RBM19: variants seen among roughly 807,000 people sequenced by gnomAD.
RBM19 encodes the protein RNA binding motif protein 19.
RBM19 carries 94 observed loss-of-function variants against 116.8 expected under a neutral mutation model. That is an observed-to-expected ratio of 0.80 (90% confidence interval 0.68 to 0.95). The LOEUF is 0.95. RBM19 is among the 40% of genes least tolerant of loss of function. The probability of loss-of-function intolerance (pLI) is 0.00; values close to 1 mark genes in which losing one functional copy is unlikely to be tolerated. For missense variants in RBM19, 1,161 were observed against 1,220.7 expected (o/e 0.95, Z 0.73); for synonymous variants, 475 against 494.1 (o/e 0.96, Z 0.51).
chr12:113,874,280 T>G (rs1460170645), intron 21 of RBM19, among the ~76,000 whole-genome samples: 1 of 152,214 alleles, frequency 6.6e-6, no homozygotes, highest in Non-Finnish European at 1.5e-5. Flanking sequence ...TGCTGATGAA[T>G]GGAGTTATTA....
chr12:113,954,315 T>C (rs987098279), intron 7 of RBM19, among the ~76,000 whole-genome samples: 1 of 151,874 alleles, frequency 6.6e-6, no homozygotes, highest in East Asian at 1.9e-4. Flanking sequence ...AAAATAATAA[T>C]AATAAAAACT....
intron 23 of RBM19, among the ~76,000 whole-genome samples, chr12:113,837,246 T>TACACACACAC (rs34948952): frequency 0.1 from 12,612 of 126,694 alleles, 1,064 homozygotes; most frequent in East Asian, 0.37. Context: ...ATCCTCCTAA[T>TACACACACAC]ACACACACAC....
In RBM19 at chr12:113,937,062, CT is replaced by C; in HGVS notation, c.2012del (p.Lys671SerfsTer76). On this transcript the variant is annotated frameshift_variant, in exon 16 of 24. Coordinates refer to ENST00000261741, the MANE Select transcript of RBM19 (RefSeq NM_016196.4). LOFTEE classifies it high-confidence loss of function. ...TGGGTTCTGAAGGTGTGTCTTGGAGCTTTTTCTTCTGTGGGGCTGTGCTGGA... is the reference window on the plus strand; with the variant it reads ...TGGGTTCTGAAGGTGTGTCTTGGAGCTTTTCTTCTGTGGGGCTGTGCTGGA... ...VFSSTAPQKK[K>X]LQDTPSEPME... The C allele has an allele frequency of 6.2e-7, 1 of 1,614,142 alleles. No individual in the cohort carries two copies. The highest frequency in any genetic ancestry group is 8.5e-7 in the Non-Finnish European group (1 of 1,180,024).
At chr12:113,965,787 A>G (rs182143721) in intron 1 of RBM19, among the ~76,000 whole-genome samples, 1 of 152,328 alleles carries the variant, frequency 6.6e-6, no homozygotes, top group East Asian at 1.9e-4. Flanking sequence ...AGGTCCGCAG[A>G]TTAATATTCC....
At chr12:113,913,410 A>G (rs3782454) in intron 21 of RBM19, among the ~76,000 whole-genome samples, 6,473 of 152,282 alleles carry the variant, frequency 0.043, 350 homozygotes, top group Admixed American at 0.16. Context: ...TCGCCAGGCT[A>G]TTCCTGCTGT....
At chr12:113,876,386 T>C (rs968967592) in intron 21 of RBM19, among the ~76,000 whole-genome samples, 1 of 152,196 alleles carries the variant, frequency 6.6e-6, no homozygotes, top group Non-Finnish European at 1.5e-5. Context: ...CTTGCCCATC[T>C]GTGAAATGGG....
At chr12:113,818,875 C>T (rs1428586857), downstream of RBM19, among the ~76,000 whole-genome samples, 2 of 152,222 alleles carry the variant, frequency 1.3e-5, no homozygotes, top group Admixed American at 6.5e-5. Flanking sequence ...TGTCTGACCA[C>T]CCATCTCCCT....
intron 16 of RBM19, among the ~76,000 whole-genome samples, chr12:113,934,180 T>C (rs1326348987): frequency 6.6e-6 from 1 of 152,208 alleles, no homozygotes; most frequent in Non-Finnish European, 1.5e-5. Flanking sequence ...CTTGAACTTC[T>C]GGACTCGAGT....
At chr12:113,912,437 C>G (rs1445923509) in intron 21 of RBM19, among the ~76,000 whole-genome samples, 1 of 152,208 alleles carries the variant, frequency 6.6e-6, no homozygotes, top group African/African-American at 2.4e-5. Context: ...CTTCTAGACC[C>G]AAGAAAACAG....
At chr12:113,925,281 A>G (rs1868966361) in intron 17 of RBM19, among the ~76,000 whole-genome samples, 1 of 152,160 alleles carries the variant, frequency 6.6e-6, no homozygotes, top group Non-Finnish European at 1.5e-5. Flanking sequence ...TACCCAATAA[A>G]CATTCACTAA....
chr12:113,836,331 G>C (rs1160047782), intron 23 of RBM19, among the ~76,000 whole-genome samples: 2 of 152,116 alleles, frequency 1.3e-5, no homozygotes, highest in Non-Finnish European at 2.9e-5. Flanking sequence ...ATCTCTGTCT[G>C]GTGTCAAGGT....
intron 23 of RBM19, among the ~76,000 whole-genome samples, chr12:113,836,393 G>A (rs1027653569): frequency 9.2e-5 from 14 of 152,228 alleles, no homozygotes; most frequent in South Asian, 2.1e-4. Context: ...CCTGTCCTTC[G>A]CTGTTCAATT....
chr12:113,849,877 C>A (rs1464413630), intron 22 of RBM19, among the ~76,000 whole-genome samples: 2 of 152,224 alleles, frequency 1.3e-5, no homozygotes, highest in African/African-American at 4.8e-5. Context: ...GTGACCAGGG[C>A]TCCCTTGGCC....
chr12:113,875,587 T>C lies in RBM19; in HGVS notation c.2559-16691A>G, dbSNP rs114848767. On this transcript the variant is annotated intron_variant, in intron 21 of 23. Coordinates refer to ENST00000261741, the MANE Select transcript of RBM19 (RefSeq NM_016196.4). ...TCGGGACAGCCCTTGGACATCTTGG[T>C]GTATGTAGGTGGGAGTCTCTTTTCT... Among the ~76,000 whole-genome samples, 19 of 152,056 alleles carry C rather than the reference T, an allele frequency of 1.2e-4. No homozygotes were observed. In the East Asian group the frequency reaches 3.3e-3, roughly 26 times the overall value.
chr12:113,930,500 C>A (rs571505523), intron 16 of RBM19, among the ~76,000 whole-genome samples: 1 of 152,202 alleles, frequency 6.6e-6, no homozygotes, highest in Non-Finnish European at 1.5e-5. Flanking sequence ...CTGCCCTTAG[C>A]CCCAGCCCAG....
At position 113,874,373 on chromosome 12, in the gene RBM19, G is replaced by T. The variant is rs541614833; in HGVS notation, c.2559-15477C>A. Among the ~76,000 whole-genome samples the T allele has an allele frequency of 2.6e-5, 4 of 152,352 alleles. No homozygotes were observed. The East Asian group carries it at 7.7e-4, about 29-fold the overall frequency. On this transcript the variant is annotated intron_variant, in intron 21 of 23. Coordinates refer to ENST00000261741, the MANE Select transcript of RBM19 (RefSeq NM_016196.4). ...CTCAATACCTGAAATAAGAAACGGG[G>T]AGTGGGAGGAAGCGGCACTTGCTGA...
At chr12:113,946,331 G>C (rs1404977427) in intron 12 of RBM19, 23 bp downstream of exon 12, 1 of 1,614,098 alleles carries the variant, frequency 6.2e-7, no homozygotes, top group South Asian at 1.1e-5. Context: ...TTGGAGCTCA[G>C]TGGTTTCAGG....
intron 8 of RBM19, among the ~76,000 whole-genome samples, chr12:113,950,917 G>T (rs1280775208): frequency 6.6e-6 from 1 of 151,898 alleles, no homozygotes; most frequent in Non-Finnish European, 1.5e-5. Flanking sequence ...CCACACCCTA[G>T]GCCCCATCAC....
intron 21 of RBM19, among the ~76,000 whole-genome samples, chr12:113,875,566 G>A (rs1012161344): frequency 1.3e-5 from 2 of 152,174 alleles, no homozygotes; most frequent in Non-Finnish European, 2.9e-5. Flanking sequence ...CCCAAGTCGG[G>A]ACAGCCCTTG....
Sources: gnomAD v4.1 joint callset for allele counts (sites outside exome capture counted in the v4.1 genomes callset) on GRCh38, gnomAD v4.1.1 for gene constraint, MANE v1.5 for transcripts, NCBI Gene and HGNC (gene_info 2026-07-23, HGNC 2026-07-21) for gene names.